The following ARMH3 variants were observed in gnomAD, a reference collection of about 807,000 sequenced individuals.
ARMH3 encodes the protein armadillo-like helical domain-containing protein 3.
A neutral mutation model predicts 99.1 loss-of-function variants in ARMH3; 60 were observed. The observed-to-expected ratio is 0.61, with a 90% CI of 0.49 to 0.75. The LOEUF (loss-of-function observed/expected upper bound fraction) is 0.75. ARMH3 is among the 30% of genes least tolerant of loss of function. The pLI, the probability that ARMH3 is intolerant of heterozygous loss-of-function variation, is 0.00. For synonymous variants in ARMH3, 285 were observed against 292.8 expected (o/e 0.97, Z 0.27); for missense variants, 679 against 843.1 (o/e 0.81, Z 2.41).
intron 8 of ARMH3, among the ~76,000 whole-genome samples, chr10:102,019,097 G>A (rs890218170): frequency 6.6e-6 from 1 of 152,010 alleles, no homozygotes; most frequent in Non-Finnish European, 1.5e-5. Context: ...CACTCAGGCT[G>A]GAGTGTAGTG....
chr10:101,940,492 T>A (rs1031665710), intron 22 of ARMH3, among the ~76,000 whole-genome samples: 5 of 152,116 alleles, frequency 3.3e-5, no homozygotes, highest in Non-Finnish European at 7.3e-5. Context: ...AGGGTACATG[T>A]GCACAACGTG....
chr10:102,034,553 G>A (rs1248691604), intron 2 of ARMH3, among the ~76,000 whole-genome samples: 6 of 150,678 alleles, frequency 4.0e-5, no homozygotes, highest in East Asian at 3.9e-4. Flanking sequence ...GGAGAATGGC[G>A]TGAACCTGGG....
chr10:101,901,108 C>T (rs1405137912), intron 23 of ARMH3, among the ~76,000 whole-genome samples: 2 of 151,074 alleles, frequency 1.3e-5, no homozygotes, highest in East Asian at 1.9e-4. Flanking sequence ...ACTAGATGAG[C>T]CATACATAAT....
chr10:102,005,379 T>A (rs1034702488), intron 14 of ARMH3, among the ~76,000 whole-genome samples: 6 of 74,040 alleles, frequency 8.1e-5, no homozygotes, highest in Non-Finnish European at 1.2e-4. Flanking sequence ...AGACTCTGTC[T>A]CAAAAAAAAA....
chr10:101,937,119 T>C (rs1049416609), intron 23 of ARMH3, among the ~76,000 whole-genome samples: 9 of 152,228 alleles, frequency 5.9e-5, no homozygotes, highest in African/African-American at 2.2e-4. Context: ...CAATACATCA[T>C]GGTGAGTTTT....
rs746244388 is a variant in ARMH3, at chr10:102,033,004, C to G, written c.306+22G>C. 3.1e-6 allele frequency: 5 copies of G among 1,611,704 alleles called. No individual in the cohort carries two copies. In the East Asian group the frequency reaches 6.7e-5, roughly 22 times the overall value. ...TCCTTTCTCCTGTTAAACAAGACTT[C>G]CCCAGTCTCCCAGCCTTGTACCTGC... On this transcript the variant is annotated intron_variant, in intron 4 of 25. Transcript: ENST00000370033.
At chr10:101,889,271 A>G in intron 24 of ARMH3, 141 bp downstream of exon 24, 2 of 821,454 alleles carry the variant, frequency 2.4e-6, no homozygotes, top group South Asian at 1.4e-5. Flanking sequence ...CTATCAACCA[A>G]CCCCACACTA....
intron 21 of ARMH3, among the ~76,000 whole-genome samples, chr10:101,957,178 G>C (rs1358998824): frequency 2.0e-5 from 3 of 152,078 alleles, no homozygotes; most frequent in African/African-American, 4.8e-5. Flanking sequence ...CTCTAATGTT[G>C]AACATTTAAG....
intron 10 of ARMH3, among the ~76,000 whole-genome samples, chr10:102,012,602 T>G (rs1011874721): frequency 1.3e-5 from 2 of 152,216 alleles, no homozygotes; most frequent in African/African-American, 4.8e-5. Flanking sequence ...CAAAGGAATG[T>G]GCCTAACTGC....
At chr10:101,928,665 T>C (rs1843599608) in intron 23 of ARMH3, among the ~76,000 whole-genome samples, 1 of 152,178 alleles carries the variant, frequency 6.6e-6, no homozygotes, top group South Asian at 2.1e-4. Flanking sequence ...AGAGGCCTTG[T>C]CTCTCGAAGT....
In ARMH3 at chr10:102,006,556, T is replaced by C. The variant is rs751798896; in HGVS notation, c.1032A>G (p.Thr344=). 1 of 1,613,702 alleles carries C rather than the reference T, an allele frequency of 6.2e-7. No individual in the cohort carries two copies. Among genetic ancestry groups the C allele is most frequent in the Admixed American group, 1.7e-5 (1 of 60,010 alleles). ...TGGGCTCACCATCAGAGGAAGGCGG[T>C]GTGGTCCCAAGTGGTGTGACTGGGG... ...PTTPVTPLGT[T]PPSSDVISSV... Residue 344 remains threonine (T), a synonymous_variant, in exon 14 of 26, where the codon ACA becomes ACG. Transcript: ENST00000370033.
At chr10:101,948,805 G>A (rs1488305028) in intron 22 of ARMH3, among the ~76,000 whole-genome samples, 3 of 151,710 alleles carry the variant, frequency 2.0e-5, no homozygotes, top group Non-Finnish European at 4.4e-5. Context: ...AGTGCATGTG[G>A]AATGGACCAT....
At position 102,001,939 on chromosome 10, in the gene ARMH3, C is replaced by A. The variant is rs747358673; in HGVS notation, c.1150+32G>T. The A allele has an allele frequency of 5.6e-6, 9 of 1,599,754 alleles. No homozygotes were observed. In the Admixed American group the frequency reaches 1.0e-4, roughly 18 times the overall value. ...TGCTAGCTGCCTGCCACACCTTTGA[C>A]TTCCTGAGCCCCCAAAATAGCTATG... On this transcript the variant is annotated intron_variant, in intron 15 of 25. Coordinates refer to ENST00000370033, the MANE Select transcript of ARMH3 (RefSeq NM_024541.3).
At chr10:101,864,650 A>C (rs1343169596) in intron 24 of ARMH3, among the ~76,000 whole-genome samples, 4 of 152,166 alleles carry the variant, frequency 2.6e-5, no homozygotes, top group African/African-American at 9.7e-5. Context: ...AGGACAGAAA[A>C]CCAAACACCG....
rs201207647 is a variant in ARMH3, at chr10:101,847,550, T to G, written c.2048A>C (p.Lys683Thr). Residue 683 changes from lysine to threonine, a missense_variant, in exon 26 of 26, where the codon AAG becomes ACG. Around this residue, in one of 3 missense-constraint regions of ARMH3, gnomAD observed 389 missense variants for 456.5 expected, o/e 0.85. Coordinates refer to ENST00000370033, the MANE Select transcript of ARMH3 (RefSeq NM_024541.3). Reference protein sequence around the residue: ...FHTLSQEVLLKEFSTIS With the variant: ...FHTLSQEVLLTEFSTIS The stretch of plus-strand genomic sequence containing the variant: ...GCCTCAGGAGATAGTGGAGAACTCC[T>G]TGAGCAGGACTTCTTGGCTGAGTGT... 6.2e-7 allele frequency: 1 copy of G among 1,614,024 alleles called. No individual in the cohort carries two copies. The highest frequency in any genetic ancestry group is 8.5e-7 in the Non-Finnish European group (1 of 1,180,014).
At chr10:101,929,129 C>T (rs1460991299) in intron 23 of ARMH3, among the ~76,000 whole-genome samples, 1 of 152,200 alleles carries the variant, frequency 6.6e-6, no homozygotes, top group Non-Finnish European at 1.5e-5. Flanking sequence ...CATAAAGGAA[C>T]ACACCTAACA....
chr10:101,896,057 T>C (rs1193472020), intron 23 of ARMH3, among the ~76,000 whole-genome samples: 1 of 151,882 alleles, frequency 6.6e-6, no homozygotes, highest in African/African-American at 2.4e-5. Context: ...GAGACCCCCA[T>C]CTCTACAAAA....
At chr10:101,903,038 T>C (rs918180423) in intron 23 of ARMH3, among the ~76,000 whole-genome samples, 1 of 152,190 alleles carries the variant, frequency 6.6e-6, no homozygotes, top group Non-Finnish European at 1.5e-5. Context: ...CTCTTCAATA[T>C]ACCAGAAAGA....
intron 20 of ARMH3, among the ~76,000 whole-genome samples, chr10:101,962,316 G>A (rs1260234220): frequency 6.6e-6 from 1 of 152,050 alleles, no homozygotes; most frequent in Non-Finnish European, 1.5e-5. Context: ...ACATCACAGA[G>A]GAATGCATCA....
Sources: allele counts gnomAD v4.1 joint callset (sites outside exome capture counted in the v4.1 genomes callset), GRCh38; gene constraint gnomAD v4.1.1; regional missense constraint gnomAD v4.1.1; transcripts MANE v1.5; gene names NCBI Gene and HGNC (gene_info 2026-07-23, HGNC 2026-07-21).